Variants in SLCO1A2 observed in about 807,000 individuals in gnomAD.
SLCO1A2 encodes the protein solute carrier organic anion transporter family member 1A2.
Under a neutral mutation model 69.0 loss-of-function variants are expected in SLCO1A2, and 67 were observed. The ratio of observed to expected loss-of-function variants is 0.97; its 90% CI spans 0.80 to 1.19. The LOEUF is 1.19. Ranked by LOEUF, SLCO1A2 falls within the 50% of genes most tolerant of loss-of-function variation. The pLI, the probability that SLCO1A2 is intolerant of heterozygous loss-of-function variation, is 0.00. For synonymous variants in SLCO1A2, 260 were observed against 265.9 expected, an observed-to-expected ratio of 0.98 and a Z score of 0.22; for missense variants, 787 against 793.7, an observed-to-expected ratio of 0.99 and a Z score of 0.10.
intron 11 of SLCO1A2, among the ~76,000 whole-genome samples, chr12:21,292,590 TTTTA>T (rs1033907333): frequency 6.6e-5 from 10 of 152,028 alleles, no homozygotes; most frequent in Admixed American, 4.6e-4. Flanking sequence ...TTTTTTATTA[TTTTA>T]TTTATTTATT....
upstream of SLCO1A2, chr12:21,419,240 T>G (rs1391212032): frequency 1.9e-5 from 3 of 158,018 alleles, no homozygotes; most frequent in Non-Finnish European, 4.2e-5. Context: ...TAGGAACAGC[T>G]CCGGTCTACA....
At chr12:21,275,262 G>A (rs1186697655) in intron 13 of SLCO1A2, 98 bp downstream of exon 13, 9 of 1,122,294 alleles carry the variant, frequency 8.0e-6, no homozygotes, top group Non-Finnish European at 1.1e-5. Context: ...TAACAAACCT[G>A]CACGTTGTGC....
At chr12:21,358,592 T>C (rs924771179) in intron 2 of SLCO1A2, among the ~76,000 whole-genome samples, 7 of 152,166 alleles carry the variant, frequency 4.6e-5, no homozygotes, top group African/African-American at 1.7e-4. Context: ...TAGATAATTT[T>C]GTGTCTTATA....
intron 1 of SLCO1A2, chr12:21,378,374 G>C (rs1262239290): frequency 3.7e-6 from 6 of 1,614,140 alleles, no homozygotes; most frequent in South Asian, 1.1e-5. Context: ...TATGGCAAGA[G>C]GAATGCAGTA....
intron 1 of SLCO1A2, among the ~76,000 whole-genome samples, chr12:21,404,949 T>A (rs1941798036): frequency 6.6e-6 from 1 of 152,222 alleles, no homozygotes; most frequent in Non-Finnish European, 1.5e-5. Flanking sequence ...TGAGATGATA[T>A]CTCAATGTGG....
rs1299706189 is a variant in SLCO1A2, at chr12:21,319,018, G to A, written c.61-95C>T. The A allele has an allele frequency of 3.3e-6, 3 of 902,950 alleles. No individual in the cohort carries two copies. In the African/African-American group the frequency reaches 5.1e-5, roughly 15 times the overall value. 55.9% of individuals were successfully genotyped at this position (902,950 alleles called of 1,614,324 possible). On this transcript the variant is annotated intron_variant, in intron 2 of 14. Coordinates refer to ENST00000683939, the MANE Select transcript of SLCO1A2 (RefSeq NM_001386879.1). ...AATGCCTTCCACCATAAGACTGATTGTCTCCAACTTAAGTAACCTTTGAAT... is the reference window on the plus strand; with the variant it reads ...AATGCCTTCCACCATAAGACTGATTATCTCCAACTTAAGTAACCTTTGAAT...
In SLCO1A2 at chr12:21,362,402, C is replaced by T. The variant is rs112846452; in HGVS notation, c.-63+11997G>A. Among the ~76,000 whole-genome samples the T allele has an allele frequency of 2.9e-3, 445 of 152,198 alleles. 3 individuals are homozygous for T. The highest frequency in any genetic ancestry group is 3.8e-3 in the Non-Finnish European group (259 of 68,014). On this transcript the variant is annotated intron_variant, in intron 2 of 15. Coordinates refer to the SLCO1A2 transcript ENST00000307378. ...CTTACAAGAGCTCCTTAAGGAAGCA[C>T]TAAACATGGAAAGGAACAACCGGTA...
At chr12:21,360,693 C>G (rs527997939) in intron 2 of SLCO1A2, among the ~76,000 whole-genome samples, 26 of 152,216 alleles carry the variant, frequency 1.7e-4, no homozygotes, top group Non-Finnish European at 3.1e-4. Context: ...CACCCTAATA[C>G]TGCTCTTTTC....
At chr12:21,312,314 A>G (rs1269137097) in intron 4 of SLCO1A2, among the ~76,000 whole-genome samples, 1 of 152,184 alleles carries the variant, frequency 6.6e-6, no homozygotes, top group Non-Finnish European at 1.5e-5. Flanking sequence ...GCAGCTTCCT[A>G]ATCTCTCTTA....
intron 3 of SLCO1A2, 49 bp downstream of exon 3, chr12:21,318,733 A>G: frequency 6.6e-7 from 1 of 1,516,340 alleles, no homozygotes; most frequent in Non-Finnish European, 8.9e-7. Context: ...GACTAGCTCC[A>G]CAGATAAGAC....
At chr12:21,331,297 G>A (rs1010666433) in intron 2 of SLCO1A2, among the ~76,000 whole-genome samples, 35 of 152,136 alleles carry the variant, frequency 2.3e-4, no homozygotes, top group African/African-American at 7.5e-4. Context: ...GGGGGAAGGA[G>A]AAATAGTGTG....
chr12:21,382,928 C>A (rs912646994), intron 1 of SLCO1A2, among the ~76,000 whole-genome samples: 3 of 152,090 alleles, frequency 2.0e-5, no homozygotes, highest in Admixed American at 6.5e-5. Flanking sequence ...CAGACAATTT[C>A]TCTACATCAT....
intron 3 of SLCO1A2, among the ~76,000 whole-genome samples, chr12:21,318,072 G>A (rs1371545795): frequency 6.6e-6 from 1 of 151,200 alleles, no homozygotes; most frequent in African/African-American, 2.4e-5. Context: ...CATTTGTAAG[G>A]CAATTTCCTT....
chr12:21,383,258 A>G (rs1228298290), intron 1 of SLCO1A2, among the ~76,000 whole-genome samples: 2 of 152,152 alleles, frequency 1.3e-5, no homozygotes, highest in Non-Finnish European at 2.9e-5. Context: ...CCAAAATCCA[A>G]ATGGGATTGT....
Position 21,300,535 on chromosome 12 carries a change from CCAA to C in SLCO1A2, c.720_722del (p.Trp241del). 1 of 1,612,540 alleles carries C rather than the reference CCAA, an allele frequency of 6.2e-7. No homozygotes were observed. The highest frequency in any genetic ancestry group is 8.5e-7 in the Non-Finnish European group (1 of 1,179,302). On this transcript the variant is annotated inframe_deletion, in exon 8 of 15. Transcript: ENST00000683939. ...GAAAGCCAAACCACCATGCACCGAC[CCAA>C]CGAGTGTCAGTGGGAGTTATGATCA...
intron 1 of SLCO1A2, among the ~76,000 whole-genome samples, chr12:21,389,828 G>A (rs944635293): frequency 6.6e-6 from 1 of 151,142 alleles, no homozygotes; most frequent in Non-Finnish European, 1.5e-5. Flanking sequence ...AAGAAAATGA[G>A]TAGGAAAAAT....
At chr12:21,274,937 A>T in intron 13 of SLCO1A2, 1 of 1,046,556 alleles carries the variant, frequency 9.6e-7, no homozygotes, top group South Asian at 3.7e-5. Context: ...AACAAAGAAT[A>T]GTGTAATTAA....
At chr12:21,319,243 T>C (rs1426467724) in intron 2 of SLCO1A2, 3 of 895,856 alleles carry the variant, frequency 3.3e-6, no homozygotes, top group Non-Finnish European at 4.9e-6. Context: ...GCTACAATGA[T>C]ATCTAAAGTA....
chr12:21,287,535 C>G (rs1453024383), intron 12 of SLCO1A2, among the ~76,000 whole-genome samples: 2 of 145,994 alleles, frequency 1.4e-5, no homozygotes, highest in Non-Finnish European at 3.0e-5. Flanking sequence ...GACTATAAAT[C>G]ATGCTGCTAT....
Sources: gnomAD v4.1 joint callset for allele counts (sites outside exome capture counted in the v4.1 genomes callset) on GRCh38, gnomAD v4.1.1 for gene constraint, MANE v1.5 for transcripts, NCBI Gene and HGNC (gene_info 2026-07-23, HGNC 2026-07-21) for gene names.